Variants in FBXO42 observed in about 807,000 individuals in gnomAD.
The protein encoded by FBXO42 is F-box protein 42.
A neutral mutation model predicts 71.7 loss-of-function variants in FBXO42; 12 were observed. The observed-to-expected ratio is 0.17, with a 90% CI of 0.11 to 0.27. The LOEUF is 0.27. FBXO42 is among the 10% of genes least tolerant of loss of function. FBXO42 has a pLI of 1.00. For missense variants in FBXO42, 707 were observed against 911.9 expected (o/e 0.78, Z 2.89); for synonymous variants, 325 against 327.5 (o/e 0.99, Z 0.08).
At chr1:16,341,075 T>C (rs2082600177) in intron 1 of FBXO42, among the ~76,000 whole-genome samples, 1 of 152,166 alleles carries the variant, frequency 6.6e-6, no homozygotes, top group Non-Finnish European at 1.5e-5. Flanking sequence ...CTACCTCTGT[T>C]CCAATATGGA....
chr1:16,275,412 G>A (rs1344551576), intron 4 of FBXO42, among the ~76,000 whole-genome samples: 3 of 152,160 alleles, frequency 2.0e-5, no homozygotes. Flanking sequence ...GAGGCTAGGA[G>A]TGCAAGACCA....
At chr1:16,305,127 G>A (rs1569891912) in intron 3 of FBXO42, among the ~76,000 whole-genome samples, 1 of 152,146 alleles carries the variant, frequency 6.6e-6, no homozygotes, top group South Asian at 2.1e-4. Flanking sequence ...GCTCACACTT[G>A]TAATCCCAAC....
chr1:16,326,696 A>G (rs1388532051), intron 1 of FBXO42, among the ~76,000 whole-genome samples: 2 of 151,814 alleles, frequency 1.3e-5, no homozygotes, highest in East Asian at 1.9e-4. Context: ...AAAAAAAAAA[A>G]AAAAGAAAAA....
intron 1 of FBXO42, among the ~76,000 whole-genome samples, chr1:16,340,107 C>T (rs952826319): frequency 2.0e-5 from 3 of 151,450 alleles, no homozygotes; most frequent in Non-Finnish European, 2.9e-5. Flanking sequence ...ACCCGGGATG[C>T]GGAGCTTGCA....
At position 16,272,541 on chromosome 1, in the gene FBXO42, G is replaced by T. The variant is rs190275977; in HGVS notation, c.503-15782C>A. Among the ~76,000 whole-genome samples, 158 of 152,230 alleles carry T rather than the reference G, an allele frequency of 1.0e-3. 1 individual carries two copies. Among genetic ancestry groups the T allele is most frequent in the Non-Finnish European group, 3.4e-4 (23 of 68,010 alleles). On this transcript the variant is annotated intron_variant, in intron 4 of 9. Coordinates refer to ENST00000375592, the MANE Select transcript of FBXO42 (RefSeq NM_018994.3). ...CCCAAAGTGCTGGGATTACAGGCGT[G>T]AGCCACCGTGCCCGGTGGGTCACTG... is the stretch of plus-strand genomic sequence containing the variant.
At chr1:16,330,047 C>T (rs1219191369) in intron 1 of FBXO42, among the ~76,000 whole-genome samples, 1 of 152,214 alleles carries the variant, frequency 6.6e-6, no homozygotes, top group Non-Finnish European at 1.5e-5. Flanking sequence ...ATAATTTCCC[C>T]TACCTTCCTA....
intron 2 of FBXO42, among the ~76,000 whole-genome samples, chr1:16,308,738 C>CTTTTTTTT (rs1375953649): frequency 8.6e-6 from 1 of 116,486 alleles, no homozygotes; most frequent in Non-Finnish European, 1.7e-5. Flanking sequence ...GACCCCATCT[C>CTTTTTTTT]TGTTTTTTTT....
chr1:16,274,327 G>C (rs1424111874), intron 4 of FBXO42, among the ~76,000 whole-genome samples: 1 of 151,006 alleles, frequency 6.6e-6, no homozygotes, highest in Non-Finnish European at 1.5e-5. Context: ...AAAAAAAAAA[G>C]AAAAGAAAAG....
intron 4 of FBXO42, among the ~76,000 whole-genome samples, chr1:16,260,910 C>T (rs2081704927): frequency 6.6e-6 from 1 of 152,012 alleles, no homozygotes; most frequent in South Asian, 2.1e-4. Context: ...CTCTGTGTTG[C>T]CCAGACTGGT....
chr1:16,296,019 A>G (rs1208736327), intron 3 of FBXO42, among the ~76,000 whole-genome samples: 1 of 152,244 alleles, frequency 6.6e-6, no homozygotes, highest in African/African-American at 2.4e-5. Context: ...ACACATCACC[A>G]GGCATTCCTA....
At chr1:16,274,901 T>G (rs1319964459) in intron 4 of FBXO42, among the ~76,000 whole-genome samples, 2 of 152,094 alleles carry the variant, frequency 1.3e-5, no homozygotes, top group African/African-American at 4.8e-5. Context: ...TCAAATTATG[T>G]CTTAATAGAA....
intron 4 of FBXO42, among the ~76,000 whole-genome samples, chr1:16,257,510 T>C (rs61769797): frequency 0.017 from 2,641 of 152,332 alleles, 35 homozygotes; most frequent in Middle Eastern, 0.027. Context: ...TGGCTTATGC[T>C]GGAAAACTTT....
At chr1:16,277,581 C>T (rs1271527582) in intron 4 of FBXO42, among the ~76,000 whole-genome samples, 1 of 151,532 alleles carries the variant, frequency 6.6e-6, no homozygotes, top group Non-Finnish European at 1.5e-5. Context: ...AAAAACTAGC[C>T]GGGCGTGGTG....
rs1267391497 is a variant in FBXO42, at chr1:16,274,316, C to CA, written c.503-17558dup. Among the ~76,000 whole-genome samples the CA allele has an allele frequency of 4.3e-3, 554 of 129,540 alleles. 2 individuals carry two copies. Among genetic ancestry groups the CA allele is most frequent in the African/African-American group, 9.4e-3 (327 of 34,948 alleles). 85.0% of individuals were successfully genotyped at this position (129,540 alleles called of 152,430 possible). On this transcript the variant is annotated intron_variant, in intron 4 of 9. Coordinates refer to ENST00000375592, the MANE Select transcript of FBXO42 (RefSeq NM_018994.3). ...GAATGAAACTTTGTCTCAAAAAACA[C>CA]AAAAAAAAAAGAAAAGAAAAGAAAA...
chr1:16,344,358 G>A (rs1032993707), intron 1 of FBXO42, among the ~76,000 whole-genome samples: 1 of 144,168 alleles, frequency 6.9e-6, no homozygotes, highest in Non-Finnish European at 1.5e-5. Context: ...AGACTCTACC[G>A]CCCAGGCTGG....
chr1:16,255,806 C>T lies in FBXO42; in HGVS notation c.672G>A (p.Val224=), dbSNP rs1191598589. Residue 224 remains valine, a synonymous_variant, in exon 6 of 10, where the codon GTG becomes GTA. Coordinates refer to ENST00000375592, the MANE Select transcript of FBXO42 (RefSeq NM_018994.3). The stretch of plus-strand genomic sequence containing the variant: ...CCATGGGAGGTGGCCCATGGGTTGT[C>T]ACAATGCAGTTCCACCTAATGTAAA... ...SPSKNWWNCI[V]TTHGPPPMAG... 6.2e-7 allele frequency: 1 copy of T among 1,613,406 alleles called. No individual in the cohort carries two copies. The highest frequency in any genetic ancestry group is 8.5e-7 in the Non-Finnish European group (1 of 1,179,826).
At chr1:16,303,721 C>A (rs1002416123) in intron 3 of FBXO42, among the ~76,000 whole-genome samples, 7 of 151,870 alleles carry the variant, frequency 4.6e-5, no homozygotes, top group African/African-American at 1.7e-4. Context: ...GTGCCTGCCA[C>A]CATACCTGGC....
intron 4 of FBXO42, among the ~76,000 whole-genome samples, chr1:16,283,752 C>T (rs887228258): frequency 1.3e-5 from 2 of 152,072 alleles, no homozygotes; most frequent in Admixed American, 1.3e-4. Flanking sequence ...GCCTTGGCCT[C>T]CCAAAGTGCT....
At chr1:16,348,495 G>C (rs1273881329) in intron 1 of FBXO42, among the ~76,000 whole-genome samples, 2 of 151,962 alleles carry the variant, frequency 1.3e-5, no homozygotes, top group Non-Finnish European at 2.9e-5. Flanking sequence ...TCAGGAGTTC[G>C]AGACCAGCCT....
Sources: gnomAD v4.1 joint callset for allele counts (sites outside exome capture counted in the v4.1 genomes callset) on GRCh38, gnomAD v4.1.1 for gene constraint, MANE v1.5 for transcripts, NCBI Gene and HGNC (gene_info 2026-07-23, HGNC 2026-07-21) for gene names.